PCDHA11: variants seen among roughly 807,000 people sequenced by gnomAD.
PCDHA11 encodes the protein protocadherin alpha-11.
In PCDHA11, 61 loss-of-function variants were observed where a neutral mutation model predicts 70.3. The observed-to-expected ratio is 0.87, with a 90% CI of 0.71 to 1.07. The LOEUF (loss-of-function observed/expected upper bound fraction) is 1.07, where lower values mean the gene tolerates loss of function less well. PCDHA11 is among the 50% of genes least tolerant of loss of function. The pLI, the probability that PCDHA11 is intolerant of heterozygous loss-of-function variation, is 0.00. For synonymous variants in PCDHA11, 633 were observed against 555.1 expected, an observed-to-expected ratio of 1.14 and a Z score of -1.97; for missense variants, 1,324 against 1,237.5, an observed-to-expected ratio of 1.07 and a Z score of -1.05.
rs557901977 is a variant in PCDHA11 at position 140,876,312 on chromosome 5, G to A, written c.2391+4818G>A. 4.3e-6 allele frequency: 7 copies of A among 1,614,036 alleles called. No individual in the cohort carries two copies. In the East Asian group the frequency reaches 1.6e-4, roughly 36 times the overall value. On this transcript the variant is annotated intron_variant, in intron 1 of 3. Coordinates refer to ENST00000398640, the MANE Select transcript of PCDHA11 (RefSeq NM_018902.5). ...GACTTAATGGAGAAATTTCCTATGG[G>A]ATCAAAATGATTTTGCCAGTGAGTG...
rs2053195452 is a variant in PCDHA11, at chr5:140,871,568, T to G, written c.2391+74T>G. ...TTAAAATCCAGTTTTTTTTCACGGATTTTTTAAGGGAAAGTTTTATGAATA... is the reference window on the plus strand; with the variant it reads ...TTAAAATCCAGTTTTTTTTCACGGAGTTTTTAAGGGAAAGTTTTATGAATA... On this transcript the variant is annotated intron_variant, in intron 1 of 3. Coordinates refer to ENST00000398640, the MANE Select transcript of PCDHA11 (RefSeq NM_018902.5). 4.7e-6 allele frequency: 7 copies of G among 1,481,802 alleles called. No homozygotes were observed. In the East Asian group the frequency reaches 1.7e-4, roughly 37 times the overall value. The allele number at this position is 1,481,802 out of a possible 1,614,324, so 91.8% of individuals were successfully genotyped here. A position where few individuals can be genotyped will look rare whatever the true frequency, so the allele number is the denominator to read the frequency against.
At position 141,010,262 on chromosome 5, in the gene PCDHA11, C is replaced by A; in HGVS notation, c.*325C>A. 4 of 1,551,728 alleles carry A rather than the reference C, an allele frequency of 2.6e-6. No homozygotes were observed. Among genetic ancestry groups the A allele is most frequent in the Non-Finnish European group, 3.5e-6 (4 of 1,146,994 alleles). On this transcript the variant is annotated 3_prime_UTR_variant, in exon 4 of 4. Transcript: ENST00000398640. ...GAGGTTGGACTCTCTGCCCTGTGCT[C>A]CGGGGATCCTGTCTTGATGACACTT...
Position 140,979,960 on chromosome 5 carries a change from C to T in PCDHA11, c.2450+953C>T, listed in dbSNP as rs2096871601. 2.0e-5 allele frequency among the ~76,000 whole-genome samples: 3 copies of T among 152,266 alleles called. No homozygotes were observed. The South Asian group carries it at 6.2e-4, about 32-fold the overall frequency. ...AGAGTTAATGTGAAATTAGTTTTAG[C>T]CCATTAAAATGCATTAGATTGAAAT... On this transcript the variant is annotated intron_variant, in intron 2 of 3. Coordinates refer to ENST00000398640, the MANE Select transcript of PCDHA11 (RefSeq NM_018902.5).
At chr5:141,002,014 C>T (rs1025365420) in intron 3 of PCDHA11, among the ~76,000 whole-genome samples, 1 of 152,220 alleles carries the variant, frequency 6.6e-6, no homozygotes, top group Non-Finnish European at 1.5e-5. Context: ...AGAATCTGCA[C>T]AGCCTTCGGT....
chr5:140,885,592 G>A (rs1428219345), intron 1 of PCDHA11, among the ~76,000 whole-genome samples: 1 of 152,102 alleles, frequency 6.6e-6, no homozygotes, highest in Non-Finnish European at 1.5e-5. Context: ...ATGCATCAAA[G>A]ATATTAATAA....
intron 1 of PCDHA11, among the ~76,000 whole-genome samples, chr5:140,897,430 C>T (rs1297820601): frequency 6.7e-6 from 1 of 148,618 alleles, no homozygotes; most frequent in Non-Finnish European, 1.5e-5. Context: ...TGAGTGAGAA[C>T]ATGCAGTGTT....
chr5:140,967,858 G>C lies in PCDHA11; in HGVS notation c.2392-11091G>C, dbSNP rs2096190865. ...TGGACGTGAATGACAATGCCCCAGA[G>C]GTGGTGCTCACGGACCTGTATAGCC... On this transcript the variant is annotated intron_variant, in intron 1 of 3. Coordinates refer to ENST00000398640, the MANE Select transcript of PCDHA11 (RefSeq NM_018902.5). 6 of 1,614,166 alleles carry C rather than the reference G, an allele frequency of 3.7e-6. No homozygotes were observed. The East Asian group carries it at 1.3e-4, about 36-fold the overall frequency.
chr5:140,927,339 A>G lies in PCDHA11; in HGVS notation c.2392-51610A>G, dbSNP rs532353795. 3.7e-6 allele frequency: 6 copies of G among 1,614,052 alleles called. No individual in the cohort carries two copies. The South Asian group carries it at 4.4e-5, about 12-fold the overall frequency. The stretch of plus-strand genomic sequence containing the variant: ...CCCGCTTTACTCTCCCGAATGCCCA[A>G]GATGACGACGAGGGAAGCAATGGGA... On this transcript the variant is annotated intron_variant, in intron 1 of 3. Transcript: ENST00000398640.
chr5:140,881,335 C>T (rs2153378731), intron 1 of PCDHA11: 2 of 984,916 alleles, frequency 2.0e-6, no homozygotes, highest in South Asian at 4.7e-5. Context: ...ACCAGGACGC[C>T]GATTCGGGCT....
intron 1 of PCDHA11, among the ~76,000 whole-genome samples, chr5:140,895,413 C>G (rs141941836): frequency 6.6e-6 from 1 of 152,122 alleles, no homozygotes; most frequent in Non-Finnish European, 1.5e-5. Flanking sequence ...GCCCCATAAC[C>G]TTCTTTTGCT....
intron 1 of PCDHA11, among the ~76,000 whole-genome samples, chr5:140,931,040 A>G (rs2087258988): frequency 6.6e-6 from 1 of 152,242 alleles, no homozygotes; most frequent in South Asian, 2.1e-4. Flanking sequence ...GCTAGCAAGA[A>G]AAACTTCAAT....
chr5:140,877,547 C>T lies in PCDHA11; in HGVS notation c.2391+6053C>T, dbSNP rs782342116. ...GTGGGCGCTGTGGATCCCGAAGCGG[C>T]TCTGGTGGATATTAACGTGTACCTC... On this transcript the variant is annotated intron_variant, in intron 1 of 3. Transcript: ENST00000398640. The T allele has an allele frequency of 2.5e-6, 4 of 1,613,656 alleles. No individual in the cohort carries two copies. The highest frequency in any genetic ancestry group is 1.3e-5 in the African/African-American group (1 of 74,930).
chr5:140,871,341 C>G lies in PCDHA11; in HGVS notation c.2238C>G (p.Ser746Arg), dbSNP rs2053000377. The G allele has an allele frequency of 6.2e-7, 1 of 1,614,188 alleles. No homozygotes were observed. The highest frequency in any genetic ancestry group is 1.3e-5 in the African/African-American group (1 of 75,072). ...TGGTGTGCTCCCGCGCGGTGGGGAGCTGGTCATACTCGCAGCAGAGGCGGC... is the reference window on the plus strand; with the variant it reads ...TGGTGTGCTCCCGCGCGGTGGGGAGGTGGTCATACTCGCAGCAGAGGCGGC... Reference protein sequence around the residue: ...PTLVCSRAVGSWSYSQQRRQR... With the variant: ...PTLVCSRAVGRWSYSQQRRQR... The change falls in exon 1 of 4, where the codon AGC becomes AGG. Residue 746 changes from serine (S) to arginine (R), a missense_variant. Ser to Arg is a moderately radical substitution (Grantham distance 110, BLOSUM62 -1). Coordinates refer to ENST00000398640, the MANE Select transcript of PCDHA11 (RefSeq NM_018902.5).
chr5:140,945,000 G>A (rs980802301), intron 1 of PCDHA11, among the ~76,000 whole-genome samples: 3 of 151,862 alleles, frequency 2.0e-5, no homozygotes, highest in African/African-American at 7.3e-5. Context: ...AACGGTTGTG[G>A]GTCATGAATT....
Position 140,871,145 on chromosome 5 carries a change from C to G in PCDHA11, c.2042C>G (p.Thr681Ser). The G allele has an allele frequency of 6.2e-7, 1 of 1,613,418 alleles. No individual in the cohort carries two copies. The highest frequency in any genetic ancestry group is 8.5e-7 in the Non-Finnish European group (1 of 1,179,922). ...SGQAPKASSR[T>S]LAGAASPEAA... is the part of the protein sequence containing the mutation. ...CAGGCGCCAAAGGCCTCTTCCCGGACTTTGGCGGGCGCCGCGAGCCCAGAG... is the reference window on the plus strand; with the variant it reads ...CAGGCGCCAAAGGCCTCTTCCCGGAGTTTGGCGGGCGCCGCGAGCCCAGAG... The change falls in exon 1 of 4, where the codon ACT (threonine) becomes AGT (serine). Residue 681 changes from threonine (T) to serine (S), a missense_variant. Physicochemically the swap from Thr to Ser is moderately conservative, Grantham distance 58 (BLOSUM62 1). Coordinates refer to ENST00000398640, the MANE Select transcript of PCDHA11 (RefSeq NM_018902.5).
intron 1 of PCDHA11, among the ~76,000 whole-genome samples, chr5:140,911,641 C>A (rs1403591383): frequency 6.6e-6 from 1 of 152,174 alleles, no homozygotes; most frequent in East Asian, 1.9e-4. Flanking sequence ...AAAGGTATTA[C>A]ATATAGAGTT....
At chr5:140,920,611 C>T (rs919244668) in intron 1 of PCDHA11, among the ~76,000 whole-genome samples, 4 of 152,068 alleles carry the variant, frequency 2.6e-5, no homozygotes, top group Non-Finnish European at 5.9e-5. Flanking sequence ...TTTGGGAGGC[C>T]GAGGCGGATG....
chr5:140,875,657 G>A (rs1241102848), intron 1 of PCDHA11: 1 of 1,613,738 alleles, frequency 6.2e-7, no homozygotes, highest in South Asian at 1.1e-5. Context: ...CTGGTGCCGC[G>A]CCTGTTCCGG....
chr5:141,010,136 CTCTT>C lies in PCDHA11; in HGVS notation c.*203_*206del, dbSNP rs782073868. The C allele has an allele frequency of 1.9e-6, 3 of 1,594,824 alleles. No homozygotes were observed. Among genetic ancestry groups the C allele is most frequent in the Non-Finnish European group, 2.6e-6 (3 of 1,169,724 alleles). On this transcript the variant is annotated 3_prime_UTR_variant, in exon 4 of 4. Transcript: ENST00000398640. ...AAAGCTTTACTAAGTCTGGTGTTAACTCTTTCTCTCCACTCTGGCTTGTTTTCAG... is the reference window on the plus strand; with the variant it reads ...AAAGCTTTACTAAGTCTGGTGTTAACTCTCTCCACTCTGGCTTGTTTTCAG...
Sources: allele counts gnomAD v4.1 joint callset (sites outside exome capture counted in the v4.1 genomes callset), GRCh38; gene constraint gnomAD v4.1.1; transcripts MANE v1.5; gene names NCBI Gene and HGNC (gene_info 2026-07-23, HGNC 2026-07-21).